Variants in NKAIN2 observed in about 807,000 individuals in gnomAD.
NKAIN2 encodes the protein sodium/potassium-transporting ATPase subunit beta-1-interacting protein 2.
In NKAIN2, 14 loss-of-function variants were observed where a neutral mutation model predicts 32.6. The ratio of observed to expected loss-of-function variants is 0.43; its 90% CI spans 0.28 to 0.67. The LOEUF (loss-of-function observed/expected upper bound fraction) is 0.67, where lower values mean the gene tolerates loss of function less well. Ranked by LOEUF, NKAIN2 falls within the 30% of genes least tolerant of loss-of-function variation. The pLI, the probability that NKAIN2 is intolerant of heterozygous loss-of-function variation, is 0.17. For missense variants in NKAIN2, 198 were observed against 258.3 expected, an observed-to-expected ratio of 0.77 and a Z score of 1.60; for synonymous variants, 80 against 87.2, an observed-to-expected ratio of 0.92 and a Z score of 0.46.
intron 1 of NKAIN2, among the ~76,000 whole-genome samples, chr6:124,004,115 A>G (rs1220925947): frequency 3.9e-5 from 6 of 152,196 alleles, no homozygotes; most frequent in African/African-American, 1.4e-4. Context: ...TATTGAATGA[A>G]TGATTTTCCA....
chr6:124,558,815 G>A (rs1003088238), intron 3 of NKAIN2, among the ~76,000 whole-genome samples: 1 of 152,130 alleles, frequency 6.6e-6, no homozygotes, highest in African/African-American at 2.4e-5. Context: ...CGGGCATGGT[G>A]GTGTGTGCCT....
At chr6:124,282,686 G>A (rs72980481) in intron 1 of NKAIN2, among the ~76,000 whole-genome samples, 7,707 of 152,246 alleles carry the variant, frequency 0.051, 242 homozygotes, top group Admixed American at 0.081. Context: ...CTTGCTGGTT[G>A]ATGACTTCAA....
At chr6:124,575,945 A>G (rs1562264937) in intron 3 of NKAIN2, among the ~76,000 whole-genome samples, 1 of 152,222 alleles carries the variant, frequency 6.6e-6, no homozygotes, top group Non-Finnish European at 1.5e-5. Flanking sequence ...GTGCAAAAGC[A>G]ATGATGAGTT....
chr6:124,301,701 T>C (rs1308627985), intron 2 of NKAIN2, among the ~76,000 whole-genome samples: 2 of 152,240 alleles, frequency 1.3e-5, no homozygotes, highest in Admixed American at 6.5e-5. Flanking sequence ...CTTTCAGATT[T>C]GACTGCCTCA....
intron 3 of NKAIN2, among the ~76,000 whole-genome samples, chr6:124,429,892 T>C (rs1205593980): frequency 6.6e-6 from 1 of 151,998 alleles, no homozygotes; most frequent in African/African-American, 2.4e-5. Context: ...AAGTGCAAGA[T>C]GCTAGAAAGA....
intron 3 of NKAIN2, among the ~76,000 whole-genome samples, chr6:124,376,143 G>GA (rs1226648423): frequency 6.6e-6 from 1 of 151,994 alleles, no homozygotes; most frequent in Non-Finnish European, 1.5e-5. Context: ...TTGCTTAAAA[G>GA]AAAAAATTAC....
chr6:124,768,362 A>G (rs1041486717), intron 4 of NKAIN2, among the ~76,000 whole-genome samples: 4 of 152,166 alleles, frequency 2.6e-5, no homozygotes, highest in Non-Finnish European at 5.9e-5. Context: ...AAATATAATG[A>G]ATTTTTCCTC....
intron 6 of NKAIN2, among the ~76,000 whole-genome samples, chr6:124,820,459 G>A (rs1781348027): frequency 6.6e-6 from 1 of 152,158 alleles, no homozygotes; most frequent in African/African-American, 2.4e-5. Flanking sequence ...ATGAAACGTA[G>A]GATATGTCAC....
chr6:124,235,001 A>G (rs1792671311), intron 1 of NKAIN2, among the ~76,000 whole-genome samples: 1 of 152,164 alleles, frequency 6.6e-6, no homozygotes, highest in Non-Finnish European at 1.5e-5. Flanking sequence ...AGATGGTGAC[A>G]GGTGGCAGAG....
chr6:123,873,758 G>A (rs1773024591), intron 1 of NKAIN2, among the ~76,000 whole-genome samples: 1 of 152,122 alleles, frequency 6.6e-6, no homozygotes, highest in African/African-American at 2.4e-5. Context: ...AGACTGGATG[G>A]ATGGTTGGAC....
chr6:123,886,687 A>G (rs1262159460), intron 1 of NKAIN2, among the ~76,000 whole-genome samples: 1 of 152,140 alleles, frequency 6.6e-6, no homozygotes, highest in Non-Finnish European at 1.5e-5. Context: ...TTAATTTTTG[A>G]TGGAAATGTT....
chr6:124,250,818 TAATC>T (rs1393632445), intron 1 of NKAIN2, among the ~76,000 whole-genome samples: 3 of 151,980 alleles, frequency 2.0e-5, no homozygotes, highest in East Asian at 1.9e-4. Context: ...AAAATTATAA[TAATC>T]CTAATTCATA....
At chr6:124,500,659 A>G (rs993391783) in intron 3 of NKAIN2, among the ~76,000 whole-genome samples, 2 of 151,856 alleles carry the variant, frequency 1.3e-5, no homozygotes, top group Non-Finnish European at 2.9e-5. Flanking sequence ...GTCTCAATCA[A>G]TCAATCAAAT....
chr6:124,410,833 T>C (rs1774134444), intron 3 of NKAIN2, among the ~76,000 whole-genome samples: 1 of 152,192 alleles, frequency 6.6e-6, no homozygotes, highest in South Asian at 2.1e-4. Flanking sequence ...AGTCTAAGTT[T>C]CTTTGTAGTC....
chr6:123,866,543 G>T (rs1484503955), intron 1 of NKAIN2, among the ~76,000 whole-genome samples: 1 of 152,148 alleles, frequency 6.6e-6, no homozygotes, highest in South Asian at 2.1e-4. Flanking sequence ...CCATTCTACT[G>T]CCTCAGCCTC....
At chr6:124,296,134 T>C (rs1027055896) in intron 2 of NKAIN2, among the ~76,000 whole-genome samples, 1 of 152,140 alleles carries the variant, frequency 6.6e-6, no homozygotes, top group Admixed American at 6.6e-5. Flanking sequence ...CCACCTTGGA[T>C]GCAAATTTCT....
At chr6:123,980,993 C>T (rs2114664530) in intron 1 of NKAIN2, among the ~76,000 whole-genome samples, 1 of 152,074 alleles carries the variant, frequency 6.6e-6, no homozygotes, top group African/African-American at 2.4e-5. Flanking sequence ...CCTCAGCCTC[C>T]CGAGTAGGTA....
intron 1 of NKAIN2, among the ~76,000 whole-genome samples, chr6:123,868,070 G>T (rs565132832): frequency 6.6e-6 from 1 of 151,918 alleles, no homozygotes; most frequent in African/African-American, 2.4e-5. Context: ...GGGTTTCACT[G>T]TGTTAGCCAG....
intron 1 of NKAIN2, among the ~76,000 whole-genome samples, chr6:124,246,399 G>C (rs181695273): frequency 9.9e-5 from 15 of 152,130 alleles, no homozygotes; most frequent in Admixed American, 8.5e-4. Context: ...AAATCTTCTT[G>C]AAGGGGCCAG....
Sources: allele counts gnomAD v4.1 joint callset (sites outside exome capture counted in the v4.1 genomes callset), GRCh38; gene constraint gnomAD v4.1.1; transcripts MANE v1.5; gene names NCBI Gene and HGNC (gene_info 2026-07-23, HGNC 2026-07-21).